Variants in MEGF6 observed in about 807,000 individuals in gnomAD.
MEGF6 encodes the protein multiple epidermal growth factor-like domains protein 6.
Under a neutral mutation model 207.1 loss-of-function variants are expected in MEGF6, and 184 were observed. That is an observed-to-expected ratio of 0.89 (90% confidence interval 0.79 to 1.00). The LOEUF is 1.00. MEGF6 is among the 50% of genes least tolerant of loss of function. The probability of loss-of-function intolerance (pLI) is 0.00; values close to 1 mark genes in which losing one functional copy is unlikely to be tolerated. For missense variants in MEGF6, 2,282 were observed against 2,202.9 expected (o/e 1.04, Z -0.72); for synonymous variants, 1,038 against 910.0 (o/e 1.14, Z -2.53).
At chr1:3,616,338 G>A (rs1644378485), upstream of MEGF6, among the ~76,000 whole-genome samples, 1 of 152,230 alleles carries the variant, frequency 6.6e-6, no homozygotes, top group Admixed American at 6.5e-5. Context: ...AGTGAGCAAA[G>A]TCATTGATGC....
chr1:3,494,858 C>A (rs1640535756), intron 30 of MEGF6, 117 bp from the exon 31 acceptor site: 1 of 1,388,914 alleles, frequency 7.2e-7, no homozygotes, highest in East Asian at 2.6e-5. Context: ...CCCATCAGTG[C>A]CAGTCTCTGC....
chr1:3,502,529 A>G (rs943277675), intron 17 of MEGF6, among the ~76,000 whole-genome samples: 16 of 151,848 alleles, frequency 1.1e-4, no homozygotes, highest in African/African-American at 3.9e-4. Flanking sequence ...TCCCTGTGGG[A>G]TGGGGCTAGA....
At chr1:3,571,729 C>CCA (rs1643500606) in intron 4 of MEGF6, among the ~76,000 whole-genome samples, 4 of 119,060 alleles carry the variant, frequency 3.4e-5, no homozygotes, top group African/African-American at 1.9e-4. Flanking sequence ...TGGGTCCTTG[C>CCA]GGGTGCACTG....
intron 1 of MEGF6, among the ~76,000 whole-genome samples, chr1:3,603,989 C>T (rs554632910): frequency 1.0e-3 from 154 of 152,352 alleles, no homozygotes; most frequent in African/African-American, 3.4e-3. Flanking sequence ...CCCAACATAG[C>T]GATGGCAAAA....
intron 3 of MEGF6, among the ~76,000 whole-genome samples, chr1:3,585,739 GGT>G (rs1643884552): frequency 7.0e-6 from 1 of 142,726 alleles, no homozygotes; most frequent in African/African-American, 2.6e-5. Flanking sequence ...CCTGTGTGTG[GGT>G]GTGAGTGACA....
chr1:3,604,984 C>A (rs1420060255), intron 1 of MEGF6, among the ~76,000 whole-genome samples: 1 of 152,038 alleles, frequency 6.6e-6, no homozygotes, highest in Non-Finnish European at 1.5e-5. Context: ...CACTGCCCCA[C>A]CCCACCCTGC....
chr1:3,498,577 C>A (rs534926348), intron 25 of MEGF6, 78 bp from the exon 26 acceptor site: 5 of 1,489,812 alleles, frequency 3.4e-6, no homozygotes, highest in Middle Eastern at 1.8e-4. Context: ...GCTTCCTGCA[C>A]GCAGAGCTGA....
chr1:3,606,744 T>G (rs1263405596), intron 1 of MEGF6, among the ~76,000 whole-genome samples: 1 of 152,130 alleles, frequency 6.6e-6, no homozygotes, highest in African/African-American at 2.4e-5. Context: ...CGGCGAGCCC[T>G]GGGCACAGGT....
intron 1 of MEGF6, among the ~76,000 whole-genome samples, chr1:3,602,828 C>T (rs1277669063): frequency 6.6e-6 from 1 of 152,198 alleles, no homozygotes; most frequent in African/African-American, 2.4e-5. Context: ...ACATCCCCCA[C>T]GCATGGCCCA....
intron 14 of MEGF6, 50 bp from the exon 15 acceptor site, chr1:3,506,286 C>T: frequency 3.8e-6 from 6 of 1,589,862 alleles, no homozygotes; most frequent in East Asian, 2.3e-5. Flanking sequence ...CAGCCTACCA[C>T]ATGTGGTCCC....
In MEGF6 at chr1:3,490,963, G is replaced by C; in HGVS notation, c.4517-4C>G. On this transcript the variant is annotated splice_region_variant and splice_polypyrimidine_tract_variant and intron_variant, in intron 35 of 36. Transcript: ENST00000356575. ...TCGGGGAGCCGGAGGGGCCCACCTG[G>C]AGGGGAGAGAGAGCAGGCCATGTTA... 6.3e-7 allele frequency: 1 copy of C among 1,596,552 alleles called. No homozygotes were observed. Among genetic ancestry groups the C allele is most frequent in the East Asian group, 2.2e-5 (1 of 44,732 alleles).
chr1:3,509,050 C>G (rs1641226698), intron 12 of MEGF6, 25 bp downstream of exon 12: 4 of 1,515,776 alleles, frequency 2.6e-6, no homozygotes, highest in Non-Finnish European at 3.5e-6. Context: ...GAGCAGGAGC[C>G]CCCGGGGGCT....
chr1:3,515,977 G>A (rs1302945398), intron 5 of MEGF6, among the ~76,000 whole-genome samples: 1 of 152,236 alleles, frequency 6.6e-6, no homozygotes, highest in African/African-American at 2.4e-5. Context: ...TCTCACCATC[G>A]TGGTCCTTAG....
intron 5 of MEGF6, among the ~76,000 whole-genome samples, chr1:3,521,781 AT>A (rs936581107): frequency 8.5e-5 from 13 of 152,168 alleles, no homozygotes; most frequent in Non-Finnish European, 1.5e-4. Context: ...GCCATCTGGT[AT>A]CCCCCACGCA....
In MEGF6 at chr1:3,606,555, T is replaced by C. The variant is rs1415201722; in HGVS notation, c.132-3955A>G. Among the ~76,000 whole-genome samples, 3 of 152,214 alleles carry C rather than the reference T, an allele frequency of 2.0e-5. 1 individual carries two copies. The highest frequency in any genetic ancestry group is 4.4e-5 in the Non-Finnish European group (3 of 68,044). On this transcript the variant is annotated intron_variant, in intron 1 of 36. Transcript: ENST00000356575. ...TTGCCAGGTTTGCATGAGGGTTAGATGAGCCTGCACAGAAAAGGGCTCCCG... is the reference window on the plus strand; with the variant it reads ...TTGCCAGGTTTGCATGAGGGTTAGACGAGCCTGCACAGAAAAGGGCTCCCG...
At chr1:3,494,227 C>G in intron 32 of MEGF6, 103 bp from the exon 33 acceptor site, 1 of 1,476,996 alleles carries the variant, frequency 6.8e-7, no homozygotes, top group Non-Finnish European at 9.0e-7. Context: ...CGAGAAAAGC[C>G]CCCTCCTGCC....
intron 2 of MEGF6, among the ~76,000 whole-genome samples, chr1:3,597,273 G>C (rs1260898163): frequency 6.6e-6 from 1 of 152,144 alleles, no homozygotes; most frequent in Admixed American, 6.5e-5. Context: ...TGGGTCACAT[G>C]AGCCCCAGGA....
chr1:3,610,874 T>C (rs754990830), intron 1 of MEGF6, among the ~76,000 whole-genome samples: 38 of 139,922 alleles, frequency 2.7e-4, no homozygotes, highest in Non-Finnish European at 5.5e-4. Flanking sequence ...AGTATCTGCC[T>C]GAGCCTGCAG....
At chr1:3,508,752 C>T (rs1426775711) in intron 12 of MEGF6, 63 bp from the exon 13 acceptor site, 1 of 1,585,474 alleles carries the variant, frequency 6.3e-7, no homozygotes, top group Admixed American at 1.7e-5. Flanking sequence ...GGCACAGAGG[C>T]CCGGCTCAGA....
Sources: gnomAD v4.1 joint callset for allele counts (sites outside exome capture counted in the v4.1 genomes callset) on GRCh38, gnomAD v4.1.1 for gene constraint, MANE v1.5 for transcripts, NCBI Gene and HGNC (gene_info 2026-07-23, HGNC 2026-07-21) for gene names.